Variants in SMG6 observed in about 807,000 individuals in gnomAD.
SMG6 encodes SMG6 nonsense mediated mRNA decay factor.
Under a neutral mutation model 142.2 loss-of-function variants are expected in SMG6, and 66 were observed. The ratio of observed to expected loss-of-function variants is 0.46; its 90% CI spans 0.38 to 0.57. SMG6 has a LOEUF of 0.57. SMG6 is among the 20% of genes least tolerant of loss of function. SMG6 has a pLI of 0.00. For missense variants in SMG6, 1,793 were observed against 1,832.0 expected, an observed-to-expected ratio of 0.98 and a Z score of 0.39; for synonymous variants, 779 against 702.4, an observed-to-expected ratio of 1.11 and a Z score of -1.72.
At chr17:2,081,037 T>C (rs189212891) in intron 15 of SMG6, among the ~76,000 whole-genome samples, 1 of 152,324 alleles carries the variant, frequency 6.6e-6, no homozygotes, top group East Asian at 1.9e-4. Context: ...TGTCACTGGG[T>C]CTGCCTGATC....
At chr17:2,190,629 T>C (rs2151697577) in intron 10 of SMG6, among the ~76,000 whole-genome samples, 1 of 152,314 alleles carries the variant, frequency 6.6e-6, no homozygotes, top group Non-Finnish European at 1.5e-5. Context: ...TGGCTCCTTT[T>C]CTAAAGGCTC....
At position 2,288,402 on chromosome 17, in the gene SMG6, T is replaced by C. The variant is rs1020991440; in HGVS notation, c.2337+4150A>G. On this transcript the variant is annotated intron_variant, in intron 6 of 18. Coordinates refer to ENST00000263073, the MANE Select transcript of SMG6 (RefSeq NM_017575.5). ...TGGGAGGCTGAGGCAGGTGGCTAGCTTGAAGTCAGGAGTTCAAGACCAGCC... is the reference window on the plus strand; with the variant it reads ...TGGGAGGCTGAGGCAGGTGGCTAGCCTGAAGTCAGGAGTTCAAGACCAGCC... 6.0e-5 allele frequency among the ~76,000 whole-genome samples: 9 copies of C among 150,066 alleles called. No individual in the cohort carries two copies. The East Asian group carries it at 1.6e-3, about 27-fold the overall frequency.
intron 13 of SMG6, among the ~76,000 whole-genome samples, chr17:2,116,841 GA>G (rs756947319): frequency 8.5e-5 from 11 of 129,834 alleles, no homozygotes; most frequent in East Asian, 6.3e-4. Context: ...CAGAATACTG[GA>G]AAAAAAAAAC....
chr17:2,289,390 A>G (rs953939535), intron 6 of SMG6, among the ~76,000 whole-genome samples: 3 of 151,892 alleles, frequency 2.0e-5, no homozygotes, highest in Non-Finnish European at 4.4e-5. Flanking sequence ...GATCCTGTCT[A>G]TACAAAAAAT....
rs758432739 is a variant in SMG6, at chr17:2,297,980, C to G, written c.1923G>C (p.Gln641His). The stretch of plus-strand genomic sequence containing the variant: ...GATAGAAAGCATTCTTCCACAGGAT[C>G]TGATCCACATTCTGATTATCAGAGA... ...IEFSDNQNVD[Q>H]ILWKNAFYQV... Residue 641 changes from glutamine (Q) to histidine (H), a missense_variant, in exon 3 of 19, where the codon CAG (glutamine) becomes CAC (histidine). By Grantham distance (24) the Gln-to-His change is conservative. Transcript: ENST00000263073. 6.2e-7 allele frequency: 1 copy of G among 1,613,502 alleles called. No homozygotes were observed. Among genetic ancestry groups the G allele is most frequent in the Admixed American group, 1.7e-5 (1 of 60,016 alleles).
chr17:2,127,933 G>T, intron 13 of SMG6: 2 of 563,392 alleles, frequency 3.5e-6, no homozygotes, highest in South Asian at 2.8e-5. Flanking sequence ...GACCAATGCA[G>T]ACACAATGAT....
At position 2,188,484 on chromosome 17, in the gene SMG6, G is replaced by C; in HGVS notation, c.2901C>G (p.Ile967Met). ...DCFSEECRSV[I>M]QEQAAALGLA... ...AGCCCAGAGCTGCGGCTTGTTCCTGGATCACAGAGCGGCACTCCTCCGAGA... is the reference window on the plus strand; with the variant it reads ...AGCCCAGAGCTGCGGCTTGTTCCTGCATCACAGAGCGGCACTCCTCCGAGA... The change falls in exon 11 of 19, where the codon ATC becomes ATG. Residue 967 changes from isoleucine (I) to methionine (M), a missense_variant. Ile to Met is a conservative substitution (Grantham distance 10, BLOSUM62 1). Coordinates refer to ENST00000263073, the MANE Select transcript of SMG6 (RefSeq NM_017575.5). The C allele has an allele frequency of 6.2e-7, 1 of 1,614,110 alleles. No homozygotes were observed. Among genetic ancestry groups the C allele is most frequent in the Non-Finnish European group, 8.5e-7 (1 of 1,180,004 alleles).
At chr17:2,146,029 T>G (rs1342762140) in intron 13 of SMG6, among the ~76,000 whole-genome samples, 5 of 152,164 alleles carry the variant, frequency 3.3e-5, no homozygotes. Context: ...TCCTAAATAT[T>G]TCTCTTTGTT....
chr17:2,283,915 T>A (rs2074847224), intron 6 of SMG6, among the ~76,000 whole-genome samples, 180 bp from the exon 7 acceptor site: 1 of 152,130 alleles, frequency 6.6e-6, no homozygotes, highest in South Asian at 2.1e-4. Flanking sequence ...ATCACAGATC[T>A]CTTCTTGCAC....
rs1567762456 is a variant in SMG6, at chr17:2,299,401, G to A, written c.1352C>T (p.Thr451Ile). The A allele has an allele frequency of 1.9e-6, 3 of 1,613,832 alleles. No individual in the cohort carries two copies. Among genetic ancestry groups the A allele is most frequent in the Non-Finnish European group, 2.5e-6 (3 of 1,180,010 alleles). Residue 451 changes from threonine (T) to isoleucine (I), a missense_variant, in exon 2 of 19, where the codon ACC (threonine) becomes ATC (isoleucine). Physicochemically the swap from Thr to Ile is moderately conservative, Grantham distance 89 (BLOSUM62 -1). Around this residue, in one of 3 missense-constraint regions of SMG6, gnomAD observed 1,597 missense variants for 1,584.6 expected, o/e 1.01. Coordinates refer to ENST00000263073, the MANE Select transcript of SMG6 (RefSeq NM_017575.5). This position sits in a 1 kb window ranked among gnomAD's most constrained non-coding sequence, Gnocchi z 4.3. ...KGSRSWGRGGTTRRLWDPNNP... is the reference protein window; with the variant it reads ...KGSRSWGRGGITRRLWDPNNP... ...GTTTGGGTCCCACAATCGGCGTGTG[G>A]TGCCTCCACGGCCCCAACTCCGAGA...
chr17:2,139,425 C>CTTTTTTT lies in SMG6; in HGVS notation c.3357+33226_3357+33232dup, dbSNP rs375417133. On this transcript the variant is annotated intron_variant, in intron 13 of 18. Coordinates refer to ENST00000263073, the MANE Select transcript of SMG6 (RefSeq NM_017575.5). The stretch of plus-strand genomic sequence containing the variant: ...CTTATGGAAAAGTGCCTGCTTTTTT[C>CTTTTTTT]TTTTTTTTTTTTTTGAGATGGAGTC... Among the ~76,000 whole-genome samples, 9 of 139,250 alleles carry CTTTTTTT rather than the reference C, an allele frequency of 6.5e-5. 1 individual carries two copies. Among genetic ancestry groups the CTTTTTTT allele is most frequent in the South Asian group, 2.2e-4 (1 of 4,462 alleles). 91.4% of individuals were successfully genotyped at this position (139,250 alleles called of 152,430 possible).
At chr17:2,151,529 T>C (rs936158378) in intron 13 of SMG6, among the ~76,000 whole-genome samples, 1 of 152,194 alleles carries the variant, frequency 6.6e-6, no homozygotes, top group African/African-American at 2.4e-5. Context: ...GGAGAAATGG[T>C]CAGATCTCCA....
rs144630707 is a variant in SMG6, at chr17:2,135,553, T to C, written c.3357+37105A>G. 6.6e-4 allele frequency among the ~76,000 whole-genome samples: 100 copies of C among 152,310 alleles called. No individual in the cohort carries two copies. In the East Asian group the frequency reaches 0.017, roughly 25 times the overall value. The stretch of plus-strand genomic sequence containing the variant: ...AGCAAAGCTGTCTAAGAGAACCTTA[T>C]GGCAATAATGGAAATGTTCTATATT... On this transcript the variant is annotated intron_variant, in intron 13 of 18. Coordinates refer to ENST00000263073, the MANE Select transcript of SMG6 (RefSeq NM_017575.5).
rs564719137 is a variant in SMG6, at chr17:2,243,886, A to G, written c.2723+772T>C. Among the ~76,000 whole-genome samples the G allele has an allele frequency of 2.2e-4, 33 of 152,310 alleles. No homozygotes were observed. The South Asian group carries it at 6.6e-3, about 31-fold the overall frequency. ...GACTGGTCTGGGGGCACTGCCACCT[A>G]CTACTTTCTTCACTCTCCTATACTC... On this transcript the variant is annotated intron_variant, in intron 9 of 18. Coordinates refer to ENST00000263073, the MANE Select transcript of SMG6 (RefSeq NM_017575.5).
At chr17:2,287,594 A>G (rs2074935314) in intron 6 of SMG6, among the ~76,000 whole-genome samples, 1 of 152,186 alleles carries the variant, frequency 6.6e-6, no homozygotes, top group Non-Finnish European at 1.5e-5. Flanking sequence ...TTTTATTTGA[A>G]CACCCATGTT....
intron 8 of SMG6, among the ~76,000 whole-genome samples, chr17:2,278,574 T>C (rs1339703400): frequency 1.3e-5 from 2 of 152,206 alleles, no homozygotes; most frequent in East Asian, 3.8e-4. Flanking sequence ...CTTGAAAAGT[T>C]CCTTTTAAAA....
At chr17:2,132,195 C>A (rs1567623384) in intron 13 of SMG6, among the ~76,000 whole-genome samples, 1 of 152,188 alleles carries the variant, frequency 6.6e-6, no homozygotes, top group Non-Finnish European at 1.5e-5. Context: ...TTATTTATTT[C>A]TTTACTTCTT....
Position 2,110,460 on chromosome 17 carries a change from T to C in SMG6, c.3358-24559A>G, listed in dbSNP as rs139941974. Among the ~76,000 whole-genome samples the C allele has an allele frequency of 3.3e-3, 500 of 152,286 alleles. 1 individual carries two copies. Among genetic ancestry groups the C allele is most frequent in the African/African-American group, 0.011 (476 of 41,540 alleles). ...ATAGATACATTTATGTAAGTGGTGATATACTATGACACACGCACACGCACA... is the reference window on the plus strand; with the variant it reads ...ATAGATACATTTATGTAAGTGGTGACATACTATGACACACGCACACGCACA... On this transcript the variant is annotated intron_variant, in intron 13 of 18. Coordinates refer to ENST00000263073, the MANE Select transcript of SMG6 (RefSeq NM_017575.5).
chr17:2,274,326 G>A (rs563597668), intron 8 of SMG6, among the ~76,000 whole-genome samples: 3 of 152,128 alleles, frequency 2.0e-5, no homozygotes, highest in Non-Finnish European at 4.4e-5. Flanking sequence ...AACAGAACAG[G>A]TAAACTTTAG....
Sources: allele counts gnomAD v4.1 joint callset (sites outside exome capture counted in the v4.1 genomes callset), GRCh38; gene constraint gnomAD v4.1.1; regional missense constraint gnomAD v4.1.1; non-coding constraint Gnocchi (gnomAD v3.1); transcripts MANE v1.5; gene names NCBI Gene and HGNC (gene_info 2026-07-23, HGNC 2026-07-21).